The following CNTN5 variants were observed in gnomAD, a reference collection of about 807,000 sequenced individuals.
CNTN5 encodes the protein contactin 5.
CNTN5 carries 77 observed loss-of-function variants against 129.1 expected under a neutral mutation model. The ratio of observed to expected loss-of-function variants is 0.60; its 90% CI spans 0.50 to 0.72. The LOEUF is 0.72. Among genes scored for constraint, CNTN5 ranks in the 30% least tolerant of loss-of-function variants. The probability of loss-of-function intolerance (pLI) is 0.00; values close to 1 mark genes in which losing one functional copy is unlikely to be tolerated. For synonymous variants in CNTN5, 509 were observed against 465.6 expected (o/e 1.09, Z -1.20); for missense variants, 1,478 against 1,328.8 (o/e 1.11, Z -1.75).
intron 2 of CNTN5, among the ~76,000 whole-genome samples, chr11:99,439,707 C>CAAAAAAAAAAAA (rs376871051): frequency 1.0e-5 from 1 of 95,466 alleles, no homozygotes; most frequent in Non-Finnish European, 2.0e-5. Flanking sequence ...GACTCTGTCT[C>CAAAAAAAAAAAA]AAAAAAAAAA....
chr11:99,117,247 A>G (rs539027953), intron 1 of CNTN5, among the ~76,000 whole-genome samples: 1 of 152,268 alleles, frequency 6.6e-6, no homozygotes, highest in Non-Finnish European at 1.5e-5. Flanking sequence ...CAAATGCATG[A>G]ATCACAAATA....
intron 24 of CNTN5, among the ~76,000 whole-genome samples, chr11:100,355,164 A>C (rs1339448679): frequency 6.6e-6 from 1 of 151,784 alleles, no homozygotes; most frequent in African/African-American, 2.4e-5. Flanking sequence ...CATTTTCTTT[A>C]TATCTGTATT....
At chr11:99,602,194 G>T in intron 3 of CNTN5, among the ~76,000 whole-genome samples, 1 of 151,734 alleles carries the variant, frequency 6.6e-6, no homozygotes, top group African/African-American at 2.4e-5. Flanking sequence ...ACTTTTATAC[G>T]AATATATATT....
chr11:99,698,598 T>C (rs1954375671), intron 3 of CNTN5, among the ~76,000 whole-genome samples: 1 of 151,550 alleles, frequency 6.6e-6, no homozygotes, highest in South Asian at 2.1e-4. Context: ...TTCTAAAATA[T>C]ATTTCCTATA....
chr11:99,663,320 T>A (rs1332640432), intron 3 of CNTN5, among the ~76,000 whole-genome samples: 1 of 151,938 alleles, frequency 6.6e-6, no homozygotes, highest in Non-Finnish European at 1.5e-5. Context: ...ATACAAAAAA[T>A]AGCTGAGCGT....
At chr11:99,309,400 G>A (rs149993495) in intron 1 of CNTN5, among the ~76,000 whole-genome samples, 5 of 152,280 alleles carry the variant, frequency 3.3e-5, no homozygotes, top group South Asian at 2.1e-4. Flanking sequence ...AAAGCACAGC[G>A]TATCCGCTAA....
chr11:99,320,291 G>C (rs1255191082), intron 1 of CNTN5, among the ~76,000 whole-genome samples: 1 of 152,106 alleles, frequency 6.6e-6, no homozygotes, highest in Non-Finnish European at 1.5e-5. Flanking sequence ...TATACAGCTA[G>C]GAAGATGATG....
chr11:99,601,663 A>T (rs982232025), intron 3 of CNTN5, among the ~76,000 whole-genome samples: 1 of 152,178 alleles, frequency 6.6e-6, no homozygotes, highest in African/African-American at 2.4e-5. Flanking sequence ...ACCACACCCT[A>T]AAATTTTTCT....
intron 8 of CNTN5, among the ~76,000 whole-genome samples, chr11:99,989,779 G>A (rs1397001102): frequency 1.3e-5 from 2 of 151,706 alleles, no homozygotes; most frequent in African/African-American, 4.8e-5. Context: ...TTTTTTGTGT[G>A]TGAGAGAACT....
intron 13 of CNTN5, among the ~76,000 whole-genome samples, chr11:100,134,341 C>T (rs756660411): frequency 6.6e-6 from 1 of 152,056 alleles, no homozygotes; most frequent in Non-Finnish European, 1.5e-5. Flanking sequence ...GTGGTATTCT[C>T]GATGAAATTC....
At chr11:100,210,264 C>T (rs974999642) in intron 15 of CNTN5, among the ~76,000 whole-genome samples, 9 of 148,612 alleles carry the variant, frequency 6.1e-5, no homozygotes, top group African/African-American at 1.2e-4. Context: ...GTGGGAGGAT[C>T]GCTTGAGCCC....
chr11:100,302,046 AAATAAT>A (rs1334361793), intron 20 of CNTN5, among the ~76,000 whole-genome samples: 5 of 151,450 alleles, frequency 3.3e-5, no homozygotes, highest in Admixed American at 1.3e-4. Context: ...TTGTCTCAAA[AAATAAT>A]AATAATAATA....
chr11:99,823,801 A>T (rs1946871941), intron 4 of CNTN5, among the ~76,000 whole-genome samples: 1 of 151,860 alleles, frequency 6.6e-6, no homozygotes, highest in African/African-American at 2.4e-5. Context: ...CACTTTCTCC[A>T]CTCTTAGAGG....
At chr11:99,707,157 A>G (rs1954791276) in intron 3 of CNTN5, among the ~76,000 whole-genome samples, 1 of 151,578 alleles carries the variant, frequency 6.6e-6, no homozygotes, top group Non-Finnish European at 1.5e-5. Flanking sequence ...ATGTGCATTC[A>G]GAATCAGTTT....
chr11:99,871,132 A>C (rs2135811996), intron 6 of CNTN5, among the ~76,000 whole-genome samples: 1 of 152,062 alleles, frequency 6.6e-6, no homozygotes, highest in East Asian at 1.9e-4. Context: ...TGTTATTACT[A>C]TTGTTGATCC....
At chr11:99,785,807 C>T (rs1945499748) in intron 3 of CNTN5, among the ~76,000 whole-genome samples, 2 of 152,088 alleles carry the variant, frequency 1.3e-5, no homozygotes, top group Admixed American at 6.5e-5. Context: ...TTCAGCACCC[C>T]TTCATGCTAA....
At chr11:99,176,500 T>A (rs1181638249) in intron 1 of CNTN5, among the ~76,000 whole-genome samples, 1 of 152,178 alleles carries the variant, frequency 6.6e-6, no homozygotes, top group African/African-American at 2.4e-5. Flanking sequence ...TCAAATAATT[T>A]TCCTTCCAGA....
At chr11:100,014,567 G>A (rs2137536652) in intron 9 of CNTN5, among the ~76,000 whole-genome samples, 1 of 151,976 alleles carries the variant, frequency 6.6e-6, no homozygotes, top group South Asian at 2.1e-4. Context: ...TCTAAAGAGT[G>A]AGACTCCGTC....
intron 3 of CNTN5, among the ~76,000 whole-genome samples, chr11:99,656,955 AAT>A (rs1487243920): frequency 2.0e-5 from 3 of 152,030 alleles, no homozygotes; most frequent in African/African-American, 7.2e-5. Flanking sequence ...GAAAAAAAAA[AAT>A]GTGTTTCTTG....
Sources: gnomAD v4.1 joint callset for allele counts (sites outside exome capture counted in the v4.1 genomes callset) on GRCh38, gnomAD v4.1.1 for gene constraint, MANE v1.5 for transcripts, NCBI Gene and HGNC (gene_info 2026-07-23, HGNC 2026-07-21) for gene names.